JAK2: variants seen among roughly 807,000 people sequenced by gnomAD.
JAK2 encodes Janus kinase 2.
JAK2 carries 86 observed loss-of-function variants against 139.3 expected under a neutral mutation model. The ratio of observed to expected loss-of-function variants is 0.62; its 90% CI spans 0.52 to 0.74. The LOEUF (loss-of-function observed/expected upper bound fraction) is 0.74, where lower values mean the gene tolerates loss of function less well. Ranked by LOEUF, JAK2 falls within the 30% of genes least tolerant of loss-of-function variation. The pLI, the probability that JAK2 is intolerant of heterozygous loss-of-function variation, is 0.00. For missense variants in JAK2, 1,421 were observed against 1,360.3 expected (o/e 1.04, Z -0.70); for synonymous variants, 490 against 437.7 (o/e 1.12, Z -1.49).
At chr9:5,099,710 C>G (rs895198577) in intron 22 of JAK2, 4 of 152,172 alleles carry the variant, frequency 2.6e-5, no homozygotes, top group Non-Finnish European at 4.4e-5. Flanking sequence ...TTAATCCAAC[C>G]TGCACTAAAA....
At chr9:5,049,282 A>T (rs1817248310) in intron 5 of JAK2, among the ~76,000 whole-genome samples, 1 of 152,224 alleles carries the variant, frequency 6.6e-6, no homozygotes, top group Non-Finnish European at 1.5e-5. Context: ...AGTTTCTAGG[A>T]TCAGGTCATT....
chr9:5,005,055 T>C (rs1284702726), intron 2 of JAK2, among the ~76,000 whole-genome samples: 1 of 143,732 alleles, frequency 7.0e-6, no homozygotes, highest in African/African-American at 2.5e-5. Flanking sequence ...TAGTTGGGAC[T>C]GCAGGCATGT....
chr9:5,044,383 A>G lies in JAK2; in HGVS notation c.351-20A>G, dbSNP rs1183813595. 8 of 1,496,400 alleles carry G rather than the reference A, an allele frequency of 5.3e-6. No individual in the cohort carries two copies. Among genetic ancestry groups the G allele is most frequent in the Non-Finnish European group, 7.4e-6 (8 of 1,073,904 alleles). 92.7% of individuals were successfully genotyped at this position (1,496,400 alleles called of 1,614,324 possible). ...TTTGAACTATTTGGAAGCTGACCAAATGTTTTTATTATCTTGTAGATTTTA... is the reference window on the plus strand; with the variant it reads ...TTTGAACTATTTGGAAGCTGACCAAGTGTTTTTATTATCTTGTAGATTTTA... On this transcript the variant is annotated intron_variant, in intron 4 of 24. Transcript: ENST00000381652.
intron 22 of JAK2, chr9:5,099,984 C>CA (rs1821340914): frequency 6.6e-6 from 1 of 152,204 alleles, no homozygotes; most frequent in African/African-American, 2.4e-5. Flanking sequence ...TACTAGTAAT[C>CA]ATTGAAACCA....
intron 22 of JAK2, chr9:5,099,595 C>G (rs1167525518): frequency 4.6e-5 from 7 of 152,176 alleles, no homozygotes; most frequent in African/African-American, 1.7e-4. Context: ...TTTGCTACCC[C>G]TACAATTCTA....
intron 22 of JAK2, chr9:5,100,232 C>G (rs1479982637): frequency 6.6e-6 from 1 of 152,174 alleles, no homozygotes; most frequent in Non-Finnish European, 1.5e-5. Context: ...TATGACAACA[C>G]ATAATGACCC....
At chr9:5,082,467 CTA>C (rs1819773400) in intron 19 of JAK2, among the ~76,000 whole-genome samples, 1 of 152,230 alleles carries the variant, frequency 6.6e-6, no homozygotes, top group Admixed American at 6.5e-5. Flanking sequence ...AGTTTTTCTC[CTA>C]TCTCAGAAAT....
At chr9:5,007,374 G>A (rs933094680) in intron 2 of JAK2, among the ~76,000 whole-genome samples, 36 of 151,930 alleles carry the variant, frequency 2.4e-4, no homozygotes, top group African/African-American at 8.5e-4. Flanking sequence ...AAATATATGC[G>A]GGTTTCTAGT....
In JAK2 at chr9:5,022,270, A is replaced by T. The variant is rs998283965; in HGVS notation, c.226+57A>T. ...ATGCATGGATTGTTTTAATTATGCT[A>T]TGCTAATACTAGGTACATGCATAAT... On this transcript the variant is annotated intron_variant, in intron 3 of 24. Coordinates refer to ENST00000381652, the MANE Select transcript of JAK2 (RefSeq NM_004972.4). 1.0e-5 allele frequency: 12 copies of T among 1,147,032 alleles called. No individual in the cohort carries two copies. The Admixed American group carries it at 2.0e-4, about 19-fold the overall frequency. 71.1% of individuals were successfully genotyped at this position (1,147,032 alleles called of 1,614,324 possible). A position where few individuals can be genotyped will look rare whatever the true frequency, so the allele number is the denominator to read the frequency against.
chr9:5,111,006 C>T (rs1293553850), intron 22 of JAK2: 18 of 724,796 alleles, frequency 2.5e-5, no homozygotes, highest in Non-Finnish European at 3.5e-5. Context: ...CCGTTGCCAA[C>T]GGGAAGGGCC....
chr9:5,001,102 G>T (rs551962340), intron 2 of JAK2, among the ~76,000 whole-genome samples: 72 of 152,226 alleles, frequency 4.7e-4, no homozygotes, highest in African/African-American at 1.6e-3. Context: ...TAATTTTTTG[G>T]TAGAATCCTC....
Position 5,112,959 on chromosome 9 carries a change from T to C in JAK2, c.3060-10045T>C, listed in dbSNP as rs528922435. 2.4e-5 allele frequency: 5 copies of C among 205,932 alleles called. No individual in the cohort carries two copies. The East Asian group carries it at 5.3e-4, about 22-fold the overall frequency. 12.8% of individuals were successfully genotyped at this position (205,932 alleles called of 1,614,324 possible). A position where few individuals can be genotyped will look rare whatever the true frequency, so the allele number is the denominator to read the frequency against. ...CCACATCCACACCTCACACAACTGTTGTCAGCATTGAGCCAACACCGACCT... is the reference window on the plus strand; with the variant it reads ...CCACATCCACACCTCACACAACTGTCGTCAGCATTGAGCCAACACCGACCT... On this transcript the variant is annotated intron_variant, in intron 22 of 24. Transcript: ENST00000381652.
At chr9:5,090,308 TATCAC>T in intron 20 of JAK2, 133 bp from the exon 21 acceptor site, 1 of 522,988 alleles carries the variant, frequency 1.9e-6, no homozygotes, top group Non-Finnish European at 3.0e-6. Flanking sequence ...TTAACAACTA[TATCAC>T]CTTTAATGTA....
intron 4 of JAK2, among the ~76,000 whole-genome samples, chr9:5,039,181 A>C (rs1816305711): frequency 6.6e-6 from 1 of 152,094 alleles, no homozygotes; most frequent in East Asian, 1.9e-4. Flanking sequence ...AAAAAGAAAT[A>C]AAAGGCATTT....
chr9:5,080,216 T>C lies in JAK2; in HGVS notation c.2132-13T>C. ...GAATTATTTAACCCTACTCTGTTCG[T>C]ATCATTTAAAAGTTCTTCAGGAGAG... On this transcript the variant is annotated splice_polypyrimidine_tract_variant and intron_variant, in intron 16 of 24. Transcript: ENST00000381652. 1 of 1,598,044 alleles carries C rather than the reference T, an allele frequency of 6.3e-7. No individual in the cohort carries two copies.
At chr9:5,038,254 C>A (rs1022636746) in intron 4 of JAK2, among the ~76,000 whole-genome samples, 1 of 152,028 alleles carries the variant, frequency 6.6e-6, no homozygotes. Context: ...AAAGAAAGAA[C>A]AGAAAGTTTG....
At chr9:5,103,709 C>CGTAAAA (rs1821717099) in intron 22 of JAK2, among the ~76,000 whole-genome samples, 1 of 152,136 alleles carries the variant, frequency 6.6e-6, no homozygotes, top group Admixed American at 6.5e-5. Context: ...GATATCACAA[C>CGTAAAA]AAACTGGCTC....
chr9:5,127,917 T>G lies in JAK2; in HGVS notation c.*1126T>G, dbSNP rs1824103499. 4.3e-6 allele frequency: 1 copy of G among 232,362 alleles called. No individual in the cohort carries two copies. The highest frequency in any genetic ancestry group is 2.2e-5 in the African/African-American group (1 of 45,272). The allele number at this position is 232,362 out of a possible 1,614,324, so 14.4% of individuals were successfully genotyped here. A position where few individuals can be genotyped will look rare whatever the true frequency, so the allele number is the denominator to read the frequency against. On this transcript the variant is annotated 3_prime_UTR_variant, in exon 25 of 25. Transcript: ENST00000381652. ...AAGTAAAAAAGTATGCTTGTTAATT[T>G]TATTCAAGAATGCCAGTAGAAAATT...
rs1336337999 is a variant in JAK2, at chr9:5,062,471, A to G, written c.1057-2412A>G. Reference sequence around the variant, plus strand: ...GCACTGATAGACTTGTACTTGCTCCACTTAAGTTTGTCAGAAACCTTCCAT... The same window carrying G: ...GCACTGATAGACTTGTACTTGCTCCGCTTAAGTTTGTCAGAAACCTTCCAT... On this transcript the variant is annotated intron_variant, in intron 8 of 24. Coordinates refer to ENST00000381652, the MANE Select transcript of JAK2 (RefSeq NM_004972.4). Among the ~76,000 whole-genome samples the G allele has an allele frequency of 2.1e-5, 3 of 144,368 alleles. No individual in the cohort carries two copies. In the East Asian group the frequency reaches 6.1e-4, roughly 29 times the overall value. The allele number at this position is 144,368 out of a possible 152,430, so 94.7% of individuals were successfully genotyped here.
Sources: allele counts gnomAD v4.1 joint callset (sites outside exome capture counted in the v4.1 genomes callset), GRCh38; gene constraint gnomAD v4.1.1; transcripts MANE v1.5; gene names NCBI Gene and HGNC (gene_info 2026-07-23, HGNC 2026-07-21).